Variants in PHACTR2 observed in about 807,000 individuals in gnomAD.
The protein encoded by PHACTR2 is chromosome 6 open reading frame 56.
A neutral mutation model predicts 76.0 loss-of-function variants in PHACTR2; 30 were observed. The observed-to-expected ratio is 0.39, with a 90% CI of 0.30 to 0.54. PHACTR2 has a LOEUF of 0.54. Ranked by LOEUF, PHACTR2 falls within the 20% of genes least tolerant of loss-of-function variation. The pLI, the probability that PHACTR2 is intolerant of heterozygous loss-of-function variation, is 0.61. For missense variants in PHACTR2, 696 were observed against 781.1 expected, an observed-to-expected ratio of 0.89 and a Z score of 1.30; for synonymous variants, 292 against 292.5, an observed-to-expected ratio of 1.00 and a Z score of 0.02.
At chr6:143,677,926 C>T, upstream of PHACTR2, 1 of 997,918 alleles carries the variant, frequency 1.0e-6, no homozygotes, top group Non-Finnish European at 1.3e-6. Context: ...TCCCCCGTGA[C>T]CCCTGACCCC....
chr6:143,644,415 C>T (rs1044185900), intron 1 of PHACTR2, among the ~76,000 whole-genome samples: 6 of 147,246 alleles, frequency 4.1e-5, no homozygotes, highest in African/African-American at 1.5e-4. Flanking sequence ...TTGCAGTGAG[C>T]CGAGATCGCA....
Position 143,546,084 on chromosome 6 carries a change from A to C in PHACTR2, c.217+8877A>C, listed in dbSNP as rs1268472556. ...TACAAGTGTAGTTTCGGTTACAGTG[A>C]AACTCAGGAAAAAACATTGAAGCAG... On this transcript the variant is annotated intron_variant, in intron 1 of 11. Coordinates refer to the PHACTR2 transcript ENST00000367584. This position sits in a 1 kb window ranked among gnomAD's most constrained non-coding sequence, Gnocchi z 4.9. Among the ~76,000 whole-genome samples the C allele has an allele frequency of 2.6e-5, 4 of 152,150 alleles. No homozygotes were observed. The East Asian group carries it at 7.7e-4, about 29-fold the overall frequency.
Position 143,783,359 on chromosome 6 carries a change from G to A in PHACTR2, c.1707+79G>A. 2 of 769,182 alleles carry A rather than the reference G, an allele frequency of 2.6e-6. No individual in the cohort carries two copies. The highest frequency in any genetic ancestry group is 2.7e-5 in the East Asian group (1 of 37,148). 47.6% of individuals were successfully genotyped at this position (769,182 alleles called of 1,614,324 possible). ...AAAAAAATACTAATCCTCTCTGTAT[G>A]TGTAAATCAGATGTTTAGAAATAAT... On this transcript the variant is annotated intron_variant, in intron 10 of 12. Transcript: ENST00000440869. This position sits in a 1 kb window ranked among gnomAD's most constrained non-coding sequence, Gnocchi z 5.2.
chr6:143,547,767 G>A lies in PHACTR2; in HGVS notation c.217+10560G>A, dbSNP rs1034852371. Among the ~76,000 whole-genome samples the A allele has an allele frequency of 2.0e-5, 3 of 152,196 alleles. No homozygotes were observed. The highest frequency in any genetic ancestry group is 2.9e-5 in the Non-Finnish European group (2 of 68,038). Reference sequence around the variant, plus strand: ...AGAGTGTGGCTTCATGATACCTTGCGGCCAGGAACTGATACATTGATACAT... The same window carrying A: ...AGAGTGTGGCTTCATGATACCTTGCAGCCAGGAACTGATACATTGATACAT... On this transcript the variant is annotated intron_variant, in intron 1 of 11. Coordinates refer to the PHACTR2 transcript ENST00000367584. The surrounding 1 kb of genome is among the most constrained non-coding windows in gnomAD (Gnocchi z 4.2).
chr6:143,706,680 C>T (rs1160918104), intron 1 of PHACTR2, among the ~76,000 whole-genome samples: 1 of 152,212 alleles, frequency 6.6e-6, no homozygotes, highest in Non-Finnish European at 1.5e-5. Context: ...TTCTCTTCTC[C>T]ATTTGCCATT....
Position 143,659,352 on chromosome 6 carries a change from G to A in PHACTR2, c.13+51030G>A, listed in dbSNP as rs1776907002. 1.3e-5 allele frequency among the ~76,000 whole-genome samples: 2 copies of A among 152,176 alleles called. No individual in the cohort carries two copies. The highest frequency in any genetic ancestry group is 2.9e-5 in the Non-Finnish European group (2 of 68,040). On this transcript the variant is annotated intron_variant, in intron 1 of 11. Coordinates refer to the PHACTR2 transcript ENST00000305766. This position sits in a 1 kb window ranked among gnomAD's most constrained non-coding sequence, Gnocchi z 5.0. ...TAAGACACAAACTCACTGTACAGCT[G>A]TATAAAAACCCTCTGCTGAGGGTGT...
intron 1 of PHACTR2, among the ~76,000 whole-genome samples, chr6:143,643,848 A>C (rs1365524543): frequency 2.0e-5 from 3 of 152,220 alleles, no homozygotes; most frequent in Admixed American, 6.5e-5. Flanking sequence ...ATATTAAATA[A>C]AACACTAGAA....
chr6:143,569,720 G>A (rs1775420852), intron 1 of PHACTR2, among the ~76,000 whole-genome samples: 7 of 152,158 alleles, frequency 4.6e-5, no homozygotes, highest in Admixed American at 4.6e-4. Context: ...CTTATGGCAA[G>A]TGATGTGTCT....
chr6:143,776,764 A>G lies in PHACTR2; in HGVS notation c.1590-564A>G, dbSNP rs1279908324. Among the ~76,000 whole-genome samples, 1 of 152,214 alleles carries G rather than the reference A, an allele frequency of 6.6e-6. No individual in the cohort carries two copies. Among genetic ancestry groups the G allele is most frequent in the Non-Finnish European group, 1.5e-5 (1 of 68,040 alleles). The stretch of plus-strand genomic sequence containing the variant: ...CAGGTAATCTTAATATTACTGTCAC[A>G]TGACACTCCCCAGGTAGGTGAGCGA... On this transcript the variant is annotated intron_variant, in intron 8 of 12. Coordinates refer to ENST00000440869, the MANE Select transcript of PHACTR2 (RefSeq NM_001100164.2). This position sits in a 1 kb window ranked among gnomAD's most constrained non-coding sequence, Gnocchi z 5.3.
In PHACTR2 at chr6:143,722,126, A is replaced by C. The variant is rs1469113837; in HGVS notation, c.214+9943A>C. On this transcript the variant is annotated intron_variant, in intron 2 of 12. Coordinates refer to ENST00000440869, the MANE Select transcript of PHACTR2 (RefSeq NM_001100164.2). The surrounding 1 kb of genome is among the most constrained non-coding windows in gnomAD (Gnocchi z 4.1). Reference sequence around the variant, plus strand: ...CTGGAAGTTCCCATGAAAACTCTCTATCACTTTTCTGCTTATTTAATGTTC... The same window carrying C: ...CTGGAAGTTCCCATGAAAACTCTCTCTCACTTTTCTGCTTATTTAATGTTC... Among the ~76,000 whole-genome samples the C allele has an allele frequency of 2.0e-5, 3 of 152,184 alleles. No homozygotes were observed. Among genetic ancestry groups the C allele is most frequent in the Middle Eastern group, 3.2e-3 (1 of 316 alleles).
intron 4 of PHACTR2, among the ~76,000 whole-genome samples, chr6:143,759,546 C>T (rs1221895950): frequency 6.6e-6 from 1 of 151,456 alleles, no homozygotes; most frequent in Non-Finnish European, 1.5e-5. Context: ...CTCAGCTACA[C>T]AGGAGGCTGA....
At chr6:143,632,815 AG>A (rs963884970) in intron 1 of PHACTR2, among the ~76,000 whole-genome samples, 28 of 151,964 alleles carry the variant, frequency 1.8e-4, no homozygotes, top group African/African-American at 6.5e-4. Context: ...CTGTCTCCAT[AG>A]TTTTGCCTTT....
At chr6:143,781,014 C>T (rs901129536) in intron 9 of PHACTR2, among the ~76,000 whole-genome samples, 1 of 152,196 alleles carries the variant, frequency 6.6e-6, no homozygotes, top group African/African-American at 2.4e-5. Context: ...CATGGTAGCT[C>T]ATGCTGGTAA....
chr6:143,758,106 C>T (rs1299482410), intron 4 of PHACTR2, among the ~76,000 whole-genome samples: 1 of 152,202 alleles, frequency 6.6e-6, no homozygotes, highest in African/African-American at 2.4e-5. Context: ...GCAGTGTGTT[C>T]ATTTTCTCCC....
chr6:143,736,516 T>G (rs555851213), intron 2 of PHACTR2, among the ~76,000 whole-genome samples: 23 of 147,962 alleles, frequency 1.6e-4, no homozygotes, highest in African/African-American at 5.4e-4. Context: ...AAAAAACTCC[T>G]ATTTCTTTGG....
rs1022735841 is a variant in PHACTR2, at chr6:143,598,932, G to T, written c.217+61725G>T. Among the ~76,000 whole-genome samples the T allele has an allele frequency of 6.6e-6, 1 of 152,210 alleles. No homozygotes were observed. The highest frequency in any genetic ancestry group is 1.5e-5 in the Non-Finnish European group (1 of 68,042). On this transcript the variant is annotated intron_variant, in intron 1 of 11. Transcript: ENST00000367584. This position sits in a 1 kb window ranked among gnomAD's most constrained non-coding sequence, Gnocchi z 4.1. ...TGTTCCAGGTTTAGTGGCGTGAATA[G>T]TAAACATAGTAGATTAGTCCTTTGT...
intron 12 of PHACTR2, among the ~76,000 whole-genome samples, chr6:143,814,042 G>T (rs1776244150): frequency 6.6e-6 from 1 of 152,158 alleles, no homozygotes; most frequent in Admixed American, 6.5e-5. Context: ...TAGGCTACAG[G>T]AAAGAAAATG....
Position 143,795,853 on chromosome 6 carries a change from C to G in PHACTR2, c.1845+6943C>G, listed in dbSNP as rs71564450. 0.11 allele frequency among the ~76,000 whole-genome samples: 17,286 copies of G among 152,126 alleles called. 1,347 individuals carry two copies. The highest frequency in any genetic ancestry group is 0.3 in the East Asian group (1,565 of 5,172). On this transcript the variant is annotated intron_variant, in intron 11 of 12. Transcript: ENST00000440869. The surrounding 1 kb of genome is among the most constrained non-coding windows in gnomAD (Gnocchi z 4.8). The stretch of plus-strand genomic sequence containing the variant: ...CTTGTCAATAAATGGTAGCTATTAC[C>G]AATATTATACTCATAGTCAGGGATG...
intron 1 of PHACTR2, among the ~76,000 whole-genome samples, chr6:143,667,995 A>T (rs778212606): frequency 6.6e-6 from 1 of 152,232 alleles, no homozygotes; most frequent in Non-Finnish European, 1.5e-5. Flanking sequence ...TTTTCTATTC[A>T]GTATGCTATT....
Sources: allele counts gnomAD v4.1 joint callset (sites outside exome capture counted in the v4.1 genomes callset), GRCh38; gene constraint gnomAD v4.1.1; non-coding constraint Gnocchi (gnomAD v3.1); transcripts MANE v1.5; gene names NCBI Gene and HGNC (gene_info 2026-07-23, HGNC 2026-07-21).